Variants in SHANK2 observed in about 807,000 individuals in gnomAD.
The protein encoded by SHANK2 is SH3 and multiple ankyrin repeat domains protein 2.
SHANK2 carries 43 observed loss-of-function variants against 133.7 expected under a neutral mutation model. The ratio of observed to expected loss-of-function variants is 0.32; its 90% CI spans 0.25 to 0.41. The LOEUF (loss-of-function observed/expected upper bound fraction) is 0.41. Among genes scored for constraint, SHANK2 ranks in the 10% least tolerant of loss-of-function variants. The pLI, the probability that SHANK2 is intolerant of heterozygous loss-of-function variation, is 1.00. For missense variants in SHANK2, 1,994 were observed against 2,235.8 expected (o/e 0.89, Z 2.18); for synonymous variants, 1,017 against 952.8 (o/e 1.07, Z -1.24).
chr11:70,533,088 G>A (rs2059496985), intron 17 of SHANK2, among the ~76,000 whole-genome samples: 1 of 152,188 alleles, frequency 6.6e-6, no homozygotes, highest in African/African-American at 2.4e-5. Context: ...GAGGCTGGGG[G>A]GAGGGGCAAT....
At chr11:70,890,171 C>T (rs1555074357) in intron 11 of SHANK2, among the ~76,000 whole-genome samples, 2 of 152,134 alleles carry the variant, frequency 1.3e-5, no homozygotes, top group South Asian at 4.1e-4. Context: ...TCTGAATCTC[C>T]AAATTAGCAC....
intron 17 of SHANK2, among the ~76,000 whole-genome samples, chr11:70,632,615 T>C (rs2061010055): frequency 6.6e-6 from 1 of 152,146 alleles, no homozygotes; most frequent in African/African-American, 2.4e-5. Flanking sequence ...TTTTCCCTGA[T>C]GCTGCCTGAC....
At chr11:71,158,994 G>A (rs1952958812) in intron 2 of SHANK2, among the ~76,000 whole-genome samples, 1 of 152,222 alleles carries the variant, frequency 6.6e-6, no homozygotes, top group African/African-American at 2.4e-5. Flanking sequence ...GAAAAAGTAA[G>A]AGGCAATGCC....
chr11:70,807,201 G>A lies in SHANK2; in HGVS notation c.1494-30C>T. 3 of 710,348 alleles carry A rather than the reference G, an allele frequency of 4.2e-6. No individual in the cohort carries two copies. The Middle Eastern group carries it at 6.9e-4, about 164-fold the overall frequency. The allele number at this position is 710,348 out of a possible 1,614,324, so 44.0% of individuals were successfully genotyped here. On this transcript the variant is annotated intron_variant, in intron 12 of 25. Transcript: ENST00000601538. This position sits in a 1 kb window ranked among gnomAD's most constrained non-coding sequence, Gnocchi z 4.8. ...ACCAGGTGAGAGGGGCAGAGAGAGAGAGAGCAGAGTCACAAGGTCACAAGC... is the reference window on the plus strand; with the variant it reads ...ACCAGGTGAGAGGGGCAGAGAGAGAAAGAGCAGAGTCACAAGGTCACAAGC...
At chr11:70,726,437 G>A (rs1188226058) in intron 14 of SHANK2, among the ~76,000 whole-genome samples, 1 of 120,794 alleles carries the variant, frequency 8.3e-6, no homozygotes, top group Non-Finnish European at 1.6e-5. Context: ...GAGATGTGGG[G>A]TCTTTGCCCT....
chr11:70,661,498 TATAC>T (rs1200366098), intron 16 of SHANK2, 94 bp downstream of exon 16: 3 of 1,067,562 alleles, frequency 2.8e-6, no homozygotes, highest in South Asian at 2.9e-5. Context: ...CATGCAGGCG[TATAC>T]ACACACACAC....
At chr11:71,099,081 GA>G (rs1458168857) in intron 6 of SHANK2, among the ~76,000 whole-genome samples, 1 of 152,056 alleles carries the variant, frequency 6.6e-6, no homozygotes, top group Non-Finnish European at 1.5e-5. Flanking sequence ...GAAAACACCA[GA>G]TGGATCCCAA....
chr11:71,229,377 A>C (rs1229499368), intron 1 of SHANK2, among the ~76,000 whole-genome samples: 1 of 152,248 alleles, frequency 6.6e-6, no homozygotes, highest in East Asian at 1.9e-4. Context: ...GCAAGGTCAC[A>C]AGACACCAGA....
At chr11:70,912,772 G>A (rs1950214984) in intron 10 of SHANK2, among the ~76,000 whole-genome samples, 1 of 152,132 alleles carries the variant, frequency 6.6e-6, no homozygotes, top group South Asian at 2.1e-4. Flanking sequence ...TTTGTTTCCA[G>A]TTTTGGGTAT....
intron 9 of SHANK2, among the ~76,000 whole-genome samples, chr11:71,067,820 C>T (rs1390064451): frequency 6.8e-6 from 1 of 146,640 alleles, no homozygotes; most frequent in Non-Finnish European, 1.5e-5. Flanking sequence ...ATGAACATCA[C>T]CACTACCACC....
chr11:70,751,260 A>G (rs1555037386), intron 14 of SHANK2, among the ~76,000 whole-genome samples: 1 of 152,218 alleles, frequency 6.6e-6, no homozygotes, highest in Admixed American at 6.5e-5. Flanking sequence ...TAAAAACGAA[A>G]AAATATATAC....
intron 3 of SHANK2, 121 bp from the exon 4 acceptor site, chr11:71,119,153 A>C: frequency 1.3e-6 from 1 of 755,756 alleles, no homozygotes; most frequent in Non-Finnish European, 2.1e-6. Flanking sequence ...TCCTCTGAGC[A>C]GTGAACCCAC....
At chr11:70,488,992 C>G (rs1308001469) in intron 24 of SHANK2, 7 of 346,632 alleles carry the variant, frequency 2.0e-5, no homozygotes, top group Admixed American at 8.6e-5. Flanking sequence ...CCGACAGACG[C>G]GTGGCACAGG....
intron 1 of SHANK2, among the ~76,000 whole-genome samples, chr11:71,241,271 G>A (rs1252399022): frequency 6.6e-6 from 1 of 152,194 alleles, no homozygotes; most frequent in African/African-American, 2.4e-5. Context: ...AGAATAAAAT[G>A]CGGTTAACCA....
chr11:70,676,688 T>C (rs1406020377), intron 15 of SHANK2, among the ~76,000 whole-genome samples: 4 of 152,216 alleles, frequency 2.6e-5, no homozygotes, highest in Non-Finnish European at 5.9e-5. Context: ...AGTTATTAAT[T>C]AGAAGATACG....
At chr11:71,112,642 C>A (rs1951907855) in intron 5 of SHANK2, among the ~76,000 whole-genome samples, 1 of 152,246 alleles carries the variant, frequency 6.6e-6, no homozygotes, top group South Asian at 2.1e-4. Flanking sequence ...GGGGCCAGGA[C>A]AAAAGCCTCC....
chr11:71,209,414 C>A (rs1555118517), intron 2 of SHANK2, among the ~76,000 whole-genome samples: 1 of 152,202 alleles, frequency 6.6e-6, no homozygotes, highest in African/African-American at 2.4e-5. Context: ...CTTCGGTTCG[C>A]AGGAGCCCAG....
At chr11:71,210,250 A>ATATATATATATATATATTTATT (rs1353494730) in intron 2 of SHANK2, among the ~76,000 whole-genome samples, 1 of 85,510 alleles carries the variant, frequency 1.2e-5, no homozygotes, top group Non-Finnish European at 2.1e-5. Flanking sequence ...ATATATATAT[A>ATATATATATATATATATTTATT]TATTTATTTA....
At chr11:71,058,642 G>A (rs1277875235) in intron 9 of SHANK2, among the ~76,000 whole-genome samples, 16 of 152,352 alleles carry the variant, frequency 1.1e-4, no homozygotes, top group African/African-American at 3.1e-4. Flanking sequence ...GGGCCTCAGC[G>A]CAGGTCACAG....
Sources: gnomAD v4.1 joint callset for allele counts (sites outside exome capture counted in the v4.1 genomes callset) on GRCh38, gnomAD v4.1.1 for gene constraint, Gnocchi (gnomAD v3.1) non-coding constraint, MANE v1.5 for transcripts, NCBI Gene and HGNC (gene_info 2026-07-23, HGNC 2026-07-21) for gene names.